PPM1H: variants seen among roughly 807,000 people sequenced by gnomAD.
The protein encoded by PPM1H is protein phosphatase, Mg2+/Mn2+ dependent 1H, also known as protein phosphatase 1H.
A neutral mutation model predicts 54.9 loss-of-function variants in PPM1H; 27 were observed. That is an observed-to-expected ratio of 0.49 (90% CI 0.36 to 0.68). PPM1H has a LOEUF of 0.68. Among genes scored for constraint, PPM1H ranks in the 30% least tolerant of loss-of-function variants. PPM1H has a pLI of 0.00. For missense variants in PPM1H, 596 were observed against 667.8 expected, an observed-to-expected ratio of 0.89 and a Z score of 1.19; for synonymous variants, 305 against 270.8, an observed-to-expected ratio of 1.13 and a Z score of -1.24.
intron 6 of PPM1H, among the ~76,000 whole-genome samples, chr12:62,719,031 A>G (rs751422852): frequency 4.6e-5 from 7 of 152,214 alleles, no homozygotes; most frequent in Admixed American, 2.6e-4. Flanking sequence ...CTGGAAGTAG[A>G]TGGGGTAGGC....
chr12:62,927,068 G>GTA (rs1239348833), intron 1 of PPM1H, among the ~76,000 whole-genome samples: 2 of 152,172 alleles, frequency 1.3e-5, no homozygotes, highest in Non-Finnish European at 2.9e-5. Flanking sequence ...TTACAATGAA[G>GTA]TATATTTCAT....
chr12:62,758,144 G>T (rs1327774331), intron 4 of PPM1H, among the ~76,000 whole-genome samples: 1 of 152,294 alleles, frequency 6.6e-6, no homozygotes, highest in East Asian at 1.9e-4. Flanking sequence ...GATTTAAAAA[G>T]TTAATACTTT....
intron 1 of PPM1H, among the ~76,000 whole-genome samples, chr12:62,856,210 C>T (rs1869382173): frequency 6.6e-6 from 1 of 152,162 alleles, no homozygotes; most frequent in Non-Finnish European, 1.5e-5. Flanking sequence ...ATGTCTTCTC[C>T]AGGACACTGT....
chr12:62,804,427 G>C (rs2076792280), intron 2 of PPM1H, among the ~76,000 whole-genome samples: 1 of 151,762 alleles, frequency 6.6e-6, no homozygotes, highest in Non-Finnish European at 1.5e-5. Context: ...ATGTACCTTA[G>C]TGTCATTTTC....
intron 1 of PPM1H, among the ~76,000 whole-genome samples, chr12:62,893,636 C>CG (rs536249166): frequency 6.6e-4 from 99 of 150,760 alleles, no homozygotes; most frequent in African/African-American, 2.3e-3. Context: ...TGTGTGTGTG[C>CG]GGGGGGGAGG....
At chr12:62,830,432 T>C (rs1424467948) in intron 2 of PPM1H, among the ~76,000 whole-genome samples, 1 of 152,084 alleles carries the variant, frequency 6.6e-6, no homozygotes, top group Non-Finnish European at 1.5e-5. Flanking sequence ...ATTTTTTGTA[T>C]TTTTAGTAGA....
rs1047606274 is a variant in PPM1H, at chr12:62,731,912, C to A, written c.954+5590G>T. On this transcript the variant is annotated intron_variant, in intron 5 of 9. Coordinates refer to ENST00000228705, the MANE Select transcript of PPM1H (RefSeq NM_020700.2). ...CTGAAGCAAAGGTAGGGGTGATTTC[C>A]TTGAGGCCACAGTATCAGAACAGTA... Among the ~76,000 whole-genome samples the A allele has an allele frequency of 2.0e-5, 3 of 152,156 alleles. No individual in the cohort carries two copies. In the East Asian group the frequency reaches 5.8e-4, roughly 29 times the overall value.
intron 4 of PPM1H, among the ~76,000 whole-genome samples, chr12:62,752,326 C>G (rs954614557): frequency 2.0e-5 from 3 of 152,126 alleles, no homozygotes; most frequent in African/African-American, 7.2e-5. Context: ...TGATAAATGT[C>G]TACAAATGGG....
chr12:62,800,684 A>C (rs2076762525), intron 3 of PPM1H, among the ~76,000 whole-genome samples: 1 of 152,198 alleles, frequency 6.6e-6, no homozygotes, highest in Admixed American at 6.5e-5. Context: ...GCCTAACTCA[A>C]GCCCTTATAA....
At chr12:62,729,793 T>C (rs2076309865) in intron 5 of PPM1H, among the ~76,000 whole-genome samples, 3 of 152,244 alleles carry the variant, frequency 2.0e-5, no homozygotes, top group African/African-American at 7.2e-5. Context: ...TTGCTCATTC[T>C]CCGTGCTGTA....
Position 62,696,227 on chromosome 12 carries a change from G to A in PPM1H, c.1074-2228C>T, listed in dbSNP as rs146074348. On this transcript the variant is annotated intron_variant, in intron 6 of 9. Transcript: ENST00000228705. The stretch of plus-strand genomic sequence containing the variant: ...ACATGGCAGAGTGTTGCAGGAGCAC[G>A]AAGTCCATGTCCCACAACTCTGAAA... Among the ~76,000 whole-genome samples, 434 of 152,278 alleles carry A rather than the reference G, an allele frequency of 2.9e-3. 5 individuals are homozygous for A. The highest frequency in any genetic ancestry group is 9.5e-3 in the African/African-American group (393 of 41,560).
chr12:62,888,919 G>A (rs1400254936), intron 1 of PPM1H, among the ~76,000 whole-genome samples: 2 of 152,160 alleles, frequency 1.3e-5, no homozygotes, highest in African/African-American at 2.4e-5. Flanking sequence ...TCCAGAGCTC[G>A]CATTCTTTAA....
At chr12:62,675,133 T>C (rs1198063666) in intron 8 of PPM1H, among the ~76,000 whole-genome samples, 2 of 152,230 alleles carry the variant, frequency 1.3e-5, no homozygotes, top group Non-Finnish European at 2.9e-5. Context: ...AAATTTATAC[T>C]TGAAATATGC....
At chr12:62,790,117 G>A (rs529186053) in intron 3 of PPM1H, among the ~76,000 whole-genome samples, 115 of 152,188 alleles carry the variant, frequency 7.6e-4, no homozygotes, top group Non-Finnish European at 1.4e-3. Flanking sequence ...GAGCTCAGCT[G>A]CTTCAACCAG....
At chr12:62,917,523 T>C (rs1369781652) in intron 1 of PPM1H, among the ~76,000 whole-genome samples, 1 of 152,188 alleles carries the variant, frequency 6.6e-6, no homozygotes, top group African/African-American at 2.4e-5. Context: ...CATTCCAAAG[T>C]GGAAGGAAAA....
chr12:62,846,512 A>AT (rs200398982), intron 1 of PPM1H, among the ~76,000 whole-genome samples: 133 of 145,796 alleles, frequency 9.1e-4, no homozygotes, highest in Admixed American at 3.1e-3. Flanking sequence ...AAAAAAAAAA[A>AT]TTTTTTTTTT....
At chr12:62,776,616 GC>G in intron 4 of PPM1H, among the ~76,000 whole-genome samples, 1 of 152,304 alleles carries the variant, frequency 6.6e-6, no homozygotes, top group East Asian at 1.9e-4. Context: ...GCAGGAACCA[GC>G]CCCTTCCACA....
At chr12:62,891,104 CA>C (rs71450596) in intron 1 of PPM1H, among the ~76,000 whole-genome samples, 947 of 76,086 alleles carry the variant, frequency 0.012, 3 homozygotes, top group Non-Finnish European at 0.017. Context: ...GCAAGACTCT[CA>C]AAAAAAAAAA....
At chr12:62,806,583 G>A (rs1232584889) in intron 2 of PPM1H, among the ~76,000 whole-genome samples, 2 of 152,234 alleles carry the variant, frequency 1.3e-5, no homozygotes, top group East Asian at 3.9e-4. Flanking sequence ...ATTTCCCCTT[G>A]TTCTTGTGAC....
Sources: gnomAD v4.1 joint callset for allele counts (sites outside exome capture counted in the v4.1 genomes callset) on GRCh38, gnomAD v4.1.1 for gene constraint, MANE v1.5 for transcripts, NCBI Gene and HGNC (gene_info 2026-07-23, HGNC 2026-07-21) for gene names.